Variants in ZNF469 observed in about 807,000 individuals in gnomAD.
The protein encoded by ZNF469 is zinc finger protein 469.
In ZNF469, 1 loss-of-function variant was observed where a neutral mutation model predicts 1.0. The ratio of observed to expected loss-of-function variants is 1.00; its 90% CI spans 0.35 to 4.73. The LOEUF is 4.73. ZNF469 is among the 30% of genes most tolerant of loss of function. ZNF469 has a pLI of 0.16. For synonymous variants in ZNF469, 2,703 were observed against 2,363.4 expected (o/e 1.14, Z -4.17); for missense variants, 6,100 against 5,356.3 (o/e 1.14, Z -4.33).
In ZNF469 at chr16:88,436,783, G is replaced by T; in HGVS notation, c.9313G>T (p.Gly3105Cys). The change falls in exon 3 of 3, where the codon GGC becomes TGC. Residue 3105 changes from glycine (G) to cysteine (C), a missense_variant. By Grantham distance (159) the Gly-to-Cys change is radical. Coordinates refer to ENST00000565624, the MANE Select transcript of ZNF469 (RefSeq NM_001367624.2). ...AGGGGCAGGGAGGGCCCAAGGCAGA[G>T]GCCGGCCGGCCAAGGGCAGGCGGGC... ...AAGAGRAQGR[G>C]RPAKGRRASY... 1 of 1,544,966 alleles carries T rather than the reference G, an allele frequency of 6.5e-7. No homozygotes were observed.
the ZNF469 span, among the ~76,000 whole-genome samples, chr16:88,284,317 G>T: frequency 6.6e-6 from 1 of 152,220 alleles, no homozygotes; most frequent in South Asian, 2.1e-4. Flanking sequence ...TGGGCACAAT[G>T]GCTCACGCCT....
At chr16:88,301,711 G>T in the ZNF469 span, among the ~76,000 whole-genome samples, 72 of 152,296 alleles carry the variant, frequency 4.7e-4, no homozygotes, top group African/African-American at 1.7e-3. Flanking sequence ...TATGGGGCAG[G>T]GCCAGCTTTG....
At chr16:88,337,856 G>C in the ZNF469 span, among the ~76,000 whole-genome samples, 1 of 152,194 alleles carries the variant, frequency 6.6e-6, no homozygotes, top group African/African-American at 2.4e-5. Context: ...TTGTTGAGTT[G>C]TGCGTGCTCT....
the ZNF469 span, among the ~76,000 whole-genome samples, chr16:88,295,039 G>C: frequency 5.1e-5 from 7 of 138,456 alleles, no homozygotes; most frequent in Admixed American, 4.3e-4. Context: ...ATGTCATCTC[G>C]GGCCCCCAGG....
Position 88,429,282 on chromosome 16 carries a change from C to T in ZNF469, c.1812C>T (p.Thr604=), listed in dbSNP as rs1215342846. The T allele has an allele frequency of 1.9e-6, 3 of 1,549,902 alleles. No individual in the cohort carries two copies. The highest frequency in any genetic ancestry group is 1.2e-5 in the South Asian group (1 of 84,062). The change falls in exon 3 of 3, where the codon ACC becomes ACT. Residue 604 remains threonine (T), a synonymous_variant. Transcript: ENST00000565624. ...PSPATNTAGS[T]CSSLSPMSSS... ...CGGCCACCAACACGGCCGGCAGCAC[C>T]TGCTCTTCCCTGTCGCCGATGTCCA...
rs1439032775 is a variant in ZNF469 at position 88,429,886 on chromosome 16, G to A, written c.2416G>A (p.Glu806Lys). The change falls in exon 3 of 3, where the codon GAG becomes AAG. Residue 806 changes from glutamate (E) to lysine (K), a missense_variant. Coordinates refer to ENST00000565624, the MANE Select transcript of ZNF469 (RefSeq NM_001367624.2). Reference sequence around the variant, plus strand: ...CCTGTTAGCTGGGGACGCCCAGGCCGAGGGCAAAGACGACCCCCTGAGGAC... The same window carrying A: ...CCTGTTAGCTGGGGACGCCCAGGCCAAGGGCAAAGACGACCCCCTGAGGAC... ...TFLLAGDAQA[E>K]GKDDPLRTGF... 2 of 1,550,208 alleles carry A rather than the reference G, an allele frequency of 1.3e-6. No homozygotes were observed. The highest frequency in any genetic ancestry group is 1.2e-5 in the South Asian group (1 of 84,058).
the ZNF469 span, among the ~76,000 whole-genome samples, chr16:88,297,569 T>A: frequency 6.6e-6 from 1 of 152,178 alleles, no homozygotes; most frequent in South Asian, 2.1e-4. Flanking sequence ...GAGCCCTGCA[T>A]GCCTGACCTC....
the ZNF469 span, among the ~76,000 whole-genome samples, chr16:88,334,082 C>T: frequency 2.0e-5 from 3 of 150,544 alleles, no homozygotes; most frequent in South Asian, 4.2e-4. Context: ...GTGTGTGTGT[C>T]TATGTGCATG....
At chr16:88,265,064 G>T in the ZNF469 span, among the ~76,000 whole-genome samples, 1 of 151,996 alleles carries the variant, frequency 6.6e-6, no homozygotes, top group African/African-American at 2.4e-5. Flanking sequence ...GCAGGGCAGA[G>T]GAGTTCAGGT....
At chr16:88,359,763 T>G in the ZNF469 span, among the ~76,000 whole-genome samples, 22 of 152,352 alleles carry the variant, frequency 1.4e-4, no homozygotes, top group African/African-American at 5.3e-4. Flanking sequence ...CCCCCAACAT[T>G]GGATCTGAAA....
At chr16:88,132,336 G>C in the ZNF469 span, among the ~76,000 whole-genome samples, 1 of 152,250 alleles carries the variant, frequency 6.6e-6, no homozygotes, top group South Asian at 2.1e-4. Flanking sequence ...GCTCCCCGCG[G>C]TGACTGGCTG....
chr16:88,298,549 G>C, the ZNF469 span, among the ~76,000 whole-genome samples: 3 of 152,226 alleles, frequency 2.0e-5, no homozygotes, highest in Non-Finnish European at 4.4e-5. Flanking sequence ...CATTAGGAAA[G>C]TCTCCTGAGG....
chr16:88,373,647 T>G, the ZNF469 span, among the ~76,000 whole-genome samples: 1 of 152,188 alleles, frequency 6.6e-6, no homozygotes, highest in Non-Finnish European at 1.5e-5. Flanking sequence ...CACAGTCACA[T>G]TGGGTTAAGC....
chr16:88,260,436 G>A, the ZNF469 span, among the ~76,000 whole-genome samples: 1 of 152,216 alleles, frequency 6.6e-6, no homozygotes, highest in Non-Finnish European at 1.5e-5. This position sits in a 1 kb window ranked among gnomAD's most constrained non-coding sequence, Gnocchi z 4.1. Flanking sequence ...CCGGCCGTCA[G>A]TCCTAAGCCT....
chr16:88,294,712 T>A, the ZNF469 span: 5 of 152,220 alleles, frequency 3.3e-5, no homozygotes, highest in African/African-American at 1.2e-4. Context: ...CTCTGCTTTC[T>A]TTGTAGATCG....
At chr16:88,336,257 C>T in the ZNF469 span, among the ~76,000 whole-genome samples, 6 of 149,930 alleles carry the variant, frequency 4.0e-5, no homozygotes, top group South Asian at 2.1e-4. Context: ...TGCGCCAATA[C>T]CACACATGTT....
chr16:88,240,441 G>A, the ZNF469 span, among the ~76,000 whole-genome samples: 2 of 152,218 alleles, frequency 1.3e-5, no homozygotes, highest in African/African-American at 4.8e-5. Context: ...GCGTGGGGAG[G>A]CTGGCCTTTC....
chr16:88,244,428 G>C, the ZNF469 span, among the ~76,000 whole-genome samples: 8 of 147,298 alleles, frequency 5.4e-5, no homozygotes, highest in South Asian at 6.5e-4. Context: ...TGGATGGATG[G>C]ATGGATAGGT....
At chr16:88,222,451 G>A in the ZNF469 span, among the ~76,000 whole-genome samples, 20,766 of 152,124 alleles carry the variant, frequency 0.14, 1,592 homozygotes, top group East Asian at 0.3. Flanking sequence ...ATCATACCTG[G>A]CTAATAATTT....
Sources: gnomAD v4.1 joint callset for allele counts (sites outside exome capture counted in the v4.1 genomes callset) on GRCh38, gnomAD v4.1.1 for gene constraint, Gnocchi (gnomAD v3.1) non-coding constraint, MANE v1.5 for transcripts, NCBI Gene and HGNC (gene_info 2026-07-23, HGNC 2026-07-21) for gene names.